Variants in ASTN2 observed in about 807,000 individuals in gnomAD.
ASTN2 encodes astrotactin-2.
In ASTN2, 54 loss-of-function variants were observed where a neutral mutation model predicts 139.8. The observed-to-expected ratio is 0.39, with a 90% CI of 0.31 to 0.48. The LOEUF (loss-of-function observed/expected upper bound fraction) is 0.48, where lower values mean the gene tolerates loss of function less well. ASTN2 is among the 20% of genes least tolerant of loss of function. The pLI is 0.95. For synonymous variants in ASTN2, 756 were observed against 719.5 expected (o/e 1.05, Z -0.81); for missense variants, 1,565 against 1,725.1 (o/e 0.91, Z 1.64).
chr9:117,032,153 G>T (rs1286898509), intron 6 of ASTN2, among the ~76,000 whole-genome samples: 1 of 152,070 alleles, frequency 6.6e-6, no homozygotes, highest in African/African-American at 2.4e-5. Flanking sequence ...TTCATGAGAG[G>T]TGATATTATT....
At chr9:116,555,745 A>G (rs929198407) in intron 19 of ASTN2, among the ~76,000 whole-genome samples, 3 of 152,160 alleles carry the variant, frequency 2.0e-5, no homozygotes, top group Admixed American at 1.3e-4. Flanking sequence ...AAACAAACAA[A>G]AAAAACCACA....
intron 1 of ASTN2, among the ~76,000 whole-genome samples, chr9:117,324,238 T>A (rs997211779): frequency 1.2e-4 from 18 of 152,116 alleles, no homozygotes; most frequent in African/African-American, 4.3e-4. Context: ...CCAGCCAAGG[T>A]GAACAGATAT....
intron 10 of ASTN2, among the ~76,000 whole-genome samples, chr9:116,910,940 A>G (rs187140434): frequency 3.7e-4 from 57 of 152,264 alleles, no homozygotes; most frequent in Non-Finnish European, 6.9e-4. Flanking sequence ...CAGCTCAAAG[A>G]CGGCTTGAGC....
At chr9:117,254,396 C>T (rs1269652675) in intron 2 of ASTN2, among the ~76,000 whole-genome samples, 1 of 152,184 alleles carries the variant, frequency 6.6e-6, no homozygotes, top group Non-Finnish European at 1.5e-5. Context: ...TCATCTACCA[C>T]ACTTCTGTAA....
chr9:116,729,458 C>T (rs948108997), intron 14 of ASTN2, among the ~76,000 whole-genome samples: 8 of 152,176 alleles, frequency 5.3e-5, no homozygotes, highest in Non-Finnish European at 1.2e-4. Context: ...ACTCTTATTT[C>T]GTAGGCATGT....
chr9:116,991,516 G>A (rs1347855580), intron 7 of ASTN2, among the ~76,000 whole-genome samples: 1 of 150,958 alleles, frequency 6.6e-6, no homozygotes, highest in Admixed American at 6.6e-5. Context: ...TCCATATAAT[G>A]TAGCAGATAC....
intron 1 of ASTN2, among the ~76,000 whole-genome samples, chr9:117,315,637 T>G (rs547085722): frequency 2.0e-5 from 3 of 152,326 alleles, no homozygotes; most frequent in African/African-American, 7.2e-5. Context: ...TTTTCTTTCT[T>G]CAAAATGTTG....
At chr9:116,952,563 G>T (rs577651731) in intron 10 of ASTN2, among the ~76,000 whole-genome samples, 20 of 152,314 alleles carry the variant, frequency 1.3e-4, no homozygotes, top group Middle Eastern at 3.4e-3. Flanking sequence ...AGGCTGTGAG[G>T]CCTCAGGCTT....
At chr9:117,109,577 A>C (rs961435730) in intron 4 of ASTN2, among the ~76,000 whole-genome samples, 4 of 152,134 alleles carry the variant, frequency 2.6e-5, no homozygotes, top group Admixed American at 2.0e-4. Context: ...CCCTTCTTAT[A>C]AAATATCTTT....
At chr9:116,567,550 G>A (rs1032218615) in intron 19 of ASTN2, among the ~76,000 whole-genome samples, 1 of 152,266 alleles carries the variant, frequency 6.6e-6, no homozygotes. Flanking sequence ...CTGCCAGATG[G>A]GGAATAGTCA....
At chr9:116,597,318 T>TTTTTTTTG (rs1564142182) in intron 19 of ASTN2, among the ~76,000 whole-genome samples, 1 of 144,900 alleles carries the variant, frequency 6.9e-6, no homozygotes, top group African/African-American at 2.5e-5. Context: ...TTTTTTTTTT[T>TTTTTTTTG]TTTTTGGAGA....
intron 7 of ASTN2, among the ~76,000 whole-genome samples, chr9:117,002,443 G>A (rs73655574): frequency 6.6e-6 from 1 of 152,148 alleles, no homozygotes; most frequent in African/African-American, 2.4e-5. Context: ...TTGTGAGTAT[G>A]AGCAGAGTAA....
chr9:116,784,833 G>A (rs1407209109), intron 13 of ASTN2, among the ~76,000 whole-genome samples: 2 of 150,496 alleles, frequency 1.3e-5, no homozygotes, highest in African/African-American at 4.9e-5. Context: ...GGAGGCTGAA[G>A]CAGGAGAATC....
At chr9:117,343,027 C>T (rs188109626) in intron 1 of ASTN2, among the ~76,000 whole-genome samples, 151 of 152,282 alleles carry the variant, frequency 9.9e-4, no homozygotes, top group Non-Finnish European at 2.5e-4. Context: ...ATAGTTCCCC[C>T]CTCACTGCAT....
chr9:116,640,168 T>G (rs1857260859), intron 17 of ASTN2, among the ~76,000 whole-genome samples: 1 of 152,168 alleles, frequency 6.6e-6, no homozygotes. Context: ...AGACACAGTC[T>G]CCACAACTTT....
chr9:117,007,049 G>A (rs770331185), intron 7 of ASTN2, among the ~76,000 whole-genome samples: 3 of 152,092 alleles, frequency 2.0e-5, no homozygotes, highest in South Asian at 2.1e-4. Context: ...CCTGGGAGGC[G>A]GAGGTTGCAG....
In ASTN2 at chr9:117,103,013, T is replaced by G. The variant is rs572581109; in HGVS notation, c.1169-6862A>C. 6.6e-5 allele frequency among the ~76,000 whole-genome samples: 10 copies of G among 152,060 alleles called. No homozygotes were observed. In the South Asian group the frequency reaches 1.9e-3, roughly 28 times the overall value. ...GAATTACATAGCCACCTTGAAAGAA[T>G]CAAGAGCTCAGACCTCTGGAGTCCT... On this transcript the variant is annotated intron_variant, in intron 4 of 22. Coordinates refer to ENST00000313400, the MANE Select transcript of ASTN2 (RefSeq NM_001365068.1).
At chr9:117,120,539 G>T (rs190203400) in intron 4 of ASTN2, among the ~76,000 whole-genome samples, 3 of 152,246 alleles carry the variant, frequency 2.0e-5, no homozygotes, top group Admixed American at 6.5e-5. Context: ...GAGACCCCAG[G>T]CATACTTAGA....
intron 11 of ASTN2, among the ~76,000 whole-genome samples, chr9:116,839,153 T>G (rs1196327717): frequency 1.3e-5 from 2 of 152,134 alleles, no homozygotes; most frequent in Non-Finnish European, 2.9e-5. Flanking sequence ...TTATTGTTAT[T>G]ATTTTTTACA....
Sources: allele counts gnomAD v4.1 joint callset (sites outside exome capture counted in the v4.1 genomes callset), GRCh38; gene constraint gnomAD v4.1.1; transcripts MANE v1.5; gene names NCBI Gene and HGNC (gene_info 2026-07-23, HGNC 2026-07-21).